ABCB5: variants seen among roughly 807,000 people sequenced by gnomAD.
ABCB5 encodes ATP-binding cassette sub-family B member 5.
Under a neutral mutation model 144.2 loss-of-function variants are expected in ABCB5, and 155 were observed. The observed-to-expected ratio is 1.08, with a 90% confidence interval of 0.94 to 1.23. The LOEUF (loss-of-function observed/expected upper bound fraction) is 1.23, where lower values mean the gene tolerates loss of function less well. Among genes scored for constraint, ABCB5 ranks in the 50% most tolerant of loss-of-function variants. The probability of loss-of-function intolerance (pLI) is 0.00; values close to 1 mark genes in which losing one functional copy is unlikely to be tolerated. For missense variants in ABCB5, 1,830 were observed against 1,520.8 expected (o/e 1.20, Z -3.38); for synonymous variants, 610 against 528.6 (o/e 1.15, Z -2.11).
intron 4 of ABCB5, among the ~76,000 whole-genome samples, chr7:20,629,858 G>T (rs1056695714): frequency 5.3e-5 from 8 of 152,196 alleles, no homozygotes; most frequent in Non-Finnish European, 8.8e-5. Flanking sequence ...GTTTTTGGGG[G>T]TTTTTTGGTA....
chr7:20,714,475 T>G lies in ABCB5; in HGVS notation c.2422-8541T>G, dbSNP rs112030749. On this transcript the variant is annotated intron_variant, in intron 20 of 27. Coordinates refer to ENST00000404938, the MANE Select transcript of ABCB5 (RefSeq NM_001163941.2). ...ATTTTTCTGGGTCTTTAAGACCACA[T>G]TCCGTTTTCCTTCAATTCTTGTAGT... 2.5e-3 allele frequency among the ~76,000 whole-genome samples: 388 copies of G among 152,294 alleles called. 2 individuals carry two copies. Among genetic ancestry groups the G allele is most frequent in the African/African-American group, 8.6e-3 (359 of 41,562 alleles).
chr7:20,693,683 T>C (rs994106095), intron 16 of ABCB5, among the ~76,000 whole-genome samples: 11 of 151,884 alleles, frequency 7.2e-5, no homozygotes, highest in African/African-American at 2.4e-4. Flanking sequence ...CACCTTAAGA[T>C]ACCAGAAGGA....
At chr7:20,618,524 T>C (rs1197799403) in intron 1 of ABCB5, among the ~76,000 whole-genome samples, 3 of 152,110 alleles carry the variant, frequency 2.0e-5, no homozygotes, top group Non-Finnish European at 4.4e-5. Flanking sequence ...GTAGTGAGCA[T>C]AGTACTCGGT....
At chr7:20,639,714 T>C (rs896725927) in intron 5 of ABCB5, among the ~76,000 whole-genome samples, 4 of 152,220 alleles carry the variant, frequency 2.6e-5, no homozygotes, top group Admixed American at 2.0e-4. Flanking sequence ...CATGTCTGTC[T>C]TTATGCCAGT....
In ABCB5 at chr7:20,632,103, G is replaced by A; in HGVS notation, c.304G>A (p.Asp102Asn). 7 of 1,523,154 alleles carry A rather than the reference G, an allele frequency of 4.6e-6. No homozygotes were observed. Among genetic ancestry groups the A allele is most frequent in the Non-Finnish European group, 6.2e-6 (7 of 1,132,986 alleles). The allele number at this position is 1,523,154 out of a possible 1,614,324, so 94.4% of individuals were successfully genotyped here. Residue 102 changes from aspartate to asparagine, a missense_variant, in exon 5 of 28, where the codon GAT becomes AAT. Physicochemically the swap from Asp to Asn is conservative, Grantham distance 23. Coordinates refer to ENST00000404938, the MANE Select transcript of ABCB5 (RefSeq NM_001163941.2). ...TCAGTCTCAAGAGAAGCTGAATGAAGATATGACTCTGTAAGTCCAAATGAA... is the reference window on the plus strand; with the variant it reads ...TCAGTCTCAAGAGAAGCTGAATGAAAATATGACTCTGTAAGTCCAAATGAA... ...CTQSQEKLNE[D>N]MTLLTLYYVG...
intron 14 of ABCB5, among the ~76,000 whole-genome samples, chr7:20,665,253 G>A (rs1372300779): frequency 6.6e-6 from 1 of 152,108 alleles, no homozygotes; most frequent in Non-Finnish European, 1.5e-5. Context: ...GAGCAGGTGA[G>A]TCACCCATTA....
chr7:20,743,262 T>C (rs984667769), intron 25 of ABCB5, among the ~76,000 whole-genome samples, 188 bp downstream of exon 25: 5 of 152,190 alleles, frequency 3.3e-5, no homozygotes, highest in African/African-American at 1.2e-4. Flanking sequence ...TGGTTAGGAC[T>C]CTGAAGTGAA....
chr7:20,639,649 T>TA (rs1784248658), intron 5 of ABCB5, among the ~76,000 whole-genome samples: 2 of 152,240 alleles, frequency 1.3e-5, no homozygotes, highest in African/African-American at 4.8e-5. Context: ...AAAAATCAAC[T>TA]GCCAATAAAT....
chr7:20,658,466 C>A, intron 13 of ABCB5, 40 bp from the exon 14 acceptor site: 1 of 1,594,376 alleles, frequency 6.3e-7, no homozygotes, highest in Non-Finnish European at 8.6e-7. Context: ...TTTGATCACG[C>A]TGCCTTCTGT....
chr7:20,639,843 T>C (rs925399434), intron 5 of ABCB5, among the ~76,000 whole-genome samples: 3 of 152,240 alleles, frequency 2.0e-5, no homozygotes. Flanking sequence ...GTTCTCTACA[T>C]TTCTATATGT....
Position 20,667,250 on chromosome 7 carries a change from G to A in ABCB5, c.1707+8574G>A, listed in dbSNP as rs571870864. 4.1e-6 allele frequency: 4 copies of A among 978,434 alleles called. No homozygotes were observed. The East Asian group carries it at 3.4e-4, about 82-fold the overall frequency. 60.6% of individuals were successfully genotyped at this position (978,434 alleles called of 1,614,324 possible). Reference sequence around the variant, plus strand: ...CAAATATTTATAGTTTAGGCCAGGAGCCTGGCAAAGTAAAGATGACACAGA... The same window carrying A: ...CAAATATTTATAGTTTAGGCCAGGAACCTGGCAAAGTAAAGATGACACAGA... On this transcript the variant is annotated intron_variant, in intron 14 of 27. Transcript: ENST00000404938.
chr7:20,702,655 A>AT (rs34454519), intron 19 of ABCB5, among the ~76,000 whole-genome samples: 25,255 of 116,832 alleles, frequency 0.22, 3,177 homozygotes, highest in Non-Finnish European at 0.27. Context: ...CATATAATGG[A>AT]TTTTTTTTTT....
chr7:20,733,810 T>A (rs114619483), intron 23 of ABCB5, among the ~76,000 whole-genome samples: 1 of 152,180 alleles, frequency 6.6e-6, no homozygotes, highest in African/African-American at 2.4e-5. Context: ...GGCTAATTTC[T>A]GCATGTTTTG....
At chr7:20,707,364 T>G (rs374872234) in intron 20 of ABCB5, among the ~76,000 whole-genome samples, 1 of 152,220 alleles carries the variant, frequency 6.6e-6, no homozygotes, top group Non-Finnish European at 1.5e-5. Context: ...GATTCCTAGA[T>G]AGTTGTCTGA....
At chr7:20,676,030 G>T (rs1020883676) in intron 14 of ABCB5, among the ~76,000 whole-genome samples, 11 of 151,944 alleles carry the variant, frequency 7.2e-5, no homozygotes, top group Admixed American at 3.9e-4. Context: ...AAGTGTTGGT[G>T]AGGATGTGGA....
intron 3 of ABCB5, among the ~76,000 whole-genome samples, chr7:20,627,580 A>G (rs1449833350): frequency 1.3e-5 from 2 of 152,148 alleles, no homozygotes; most frequent in African/African-American, 4.8e-5. Flanking sequence ...GACAGATGCT[A>G]TGGGGACCTA....
At position 20,729,229 on chromosome 7, in the gene ABCB5, C is replaced by A. The variant is rs1414448681; in HGVS notation, c.2867+774C>A. ...TAAGGCATAAAATCTGAATTAAATTCCCAGATGAATTGCTCTCTGCTTCAG... is the reference window on the plus strand; with the variant it reads ...TAAGGCATAAAATCTGAATTAAATTACCAGATGAATTGCTCTCTGCTTCAG... On this transcript the variant is annotated intron_variant, in intron 23 of 27. Coordinates refer to ENST00000404938, the MANE Select transcript of ABCB5 (RefSeq NM_001163941.2). Among the ~76,000 whole-genome samples, 4 of 152,014 alleles carry A rather than the reference C, an allele frequency of 2.6e-5. No homozygotes were observed. In the East Asian group the frequency reaches 7.7e-4, roughly 29 times the overall value.
At chr7:20,648,548 G>C (rs4721927) in intron 11 of ABCB5, among the ~76,000 whole-genome samples, 115,702 of 152,052 alleles carry the variant, frequency 0.76, 44,479 homozygotes, top group East Asian at 0.87. Flanking sequence ...GCAGTTTATC[G>C]TACTCCATCA....
intron 26 of ABCB5, among the ~76,000 whole-genome samples, chr7:20,752,781 G>C (rs768910369): frequency 6.6e-6 from 1 of 152,184 alleles, no homozygotes; most frequent in Non-Finnish European, 1.5e-5. Context: ...GGGAGGCGGA[G>C]GTTGCAGTGA....
Sources: gnomAD v4.1 joint callset for allele counts (sites outside exome capture counted in the v4.1 genomes callset) on GRCh38, gnomAD v4.1.1 for gene constraint, MANE v1.5 for transcripts, NCBI Gene and HGNC (gene_info 2026-07-23, HGNC 2026-07-21) for gene names.